The following BLTP3B variants were observed in gnomAD, a reference collection of about 807,000 sequenced individuals.
The protein encoded by BLTP3B is bridge-like lipid transfer protein family member 3B, also known as UHRF1 (ICBP90) binding protein 1-like.
At chr12:100,082,178 T>G in the BLTP3B span, among the ~76,000 whole-genome samples, 246 of 152,368 alleles carry the variant, frequency 1.6e-3, 1 homozygote, top group Non-Finnish European at 2.9e-3. Flanking sequence ...GAGCACTGTT[T>G]CATATGCTTG....
the BLTP3B span, among the ~76,000 whole-genome samples, chr12:100,118,687 T>C: frequency 6.6e-6 from 1 of 152,232 alleles, no homozygotes; most frequent in Non-Finnish European, 1.5e-5. Flanking sequence ...TGCATTATCT[T>C]CACAACCTTT....
the BLTP3B span, chr12:100,095,903 A>G: frequency 1.5e-6 from 2 of 1,351,116 alleles, no homozygotes; most frequent in Non-Finnish European, 2.0e-6. Context: ...CGCTTGTATT[A>G]AAAAATGTTT....
At chr12:100,113,648 T>A in the BLTP3B span, among the ~76,000 whole-genome samples, 1 of 151,816 alleles carries the variant, frequency 6.6e-6, no homozygotes, top group African/African-American at 2.4e-5. Flanking sequence ...ACTCAGTAAG[T>A]GTTCACTATT....
At chr12:100,103,822 T>A in the BLTP3B span, 1 of 1,152,852 alleles carries the variant, frequency 8.7e-7, no homozygotes, top group Non-Finnish European at 1.2e-6. Context: ...ATCCAGACTA[T>A]ATTTCCATGA....
At chr12:100,074,894 T>A in the BLTP3B span, among the ~76,000 whole-genome samples, 2 of 152,084 alleles carry the variant, frequency 1.3e-5, no homozygotes, top group East Asian at 3.8e-4. Flanking sequence ...CCTATAACTA[T>A]CTGATCTTTG....
the BLTP3B span, among the ~76,000 whole-genome samples, chr12:100,077,054 A>T: frequency 1.3e-5 from 2 of 152,176 alleles, no homozygotes; most frequent in South Asian, 4.1e-4. Context: ...TAAATCCTAA[A>T]ATTTAAAGTC....
the BLTP3B span, among the ~76,000 whole-genome samples, chr12:100,052,663 A>G: frequency 6.6e-6 from 1 of 152,130 alleles, no homozygotes; most frequent in African/African-American, 2.4e-5. Context: ...CTGGGGCCAC[A>G]TCACACAGAG....
the BLTP3B span, among the ~76,000 whole-genome samples, chr12:100,094,245 G>A: frequency 3.0e-4 from 46 of 152,252 alleles, no homozygotes; most frequent in African/African-American, 1.1e-3. Context: ...GCTAAGGACT[G>A]CAGGTATATG....
At chr12:100,100,915 G>A in the BLTP3B span, among the ~76,000 whole-genome samples, 5 of 151,964 alleles carry the variant, frequency 3.3e-5, no homozygotes, top group Admixed American at 3.3e-4. Context: ...TAACCATACT[G>A]CCATATGTCA....
At chr12:100,051,459 C>A in the BLTP3B span, 1 of 360,942 alleles carries the variant, frequency 2.8e-6, no homozygotes. Flanking sequence ...AATTCAGTAG[C>A]CATCACAGAT....
the BLTP3B span, chr12:100,070,290 AT>A: frequency 0.035 from 32,500 of 935,070 alleles, no homozygotes; most frequent in East Asian, 0.062. Context: ...TAATTAATTA[AT>A]TTTTTTTTTT....
At chr12:100,057,844 A>G in the BLTP3B span, 1 of 1,319,420 alleles carries the variant, frequency 7.6e-7, no homozygotes, top group Non-Finnish European at 1.0e-6. Flanking sequence ...TAGCATCCAT[A>G]GCTGAAATTA....
the BLTP3B span, chr12:100,058,495 T>C: frequency 1.2e-6 from 2 of 1,613,394 alleles, no homozygotes; most frequent in Admixed American, 1.7e-5. Flanking sequence ...TTGTCTGACA[T>C]ATGATTAACA....
chr12:100,048,211 C>T, the BLTP3B span: 5 of 1,563,570 alleles, frequency 3.2e-6, no homozygotes, highest in Middle Eastern at 3.4e-4. Context: ...GGAAAATGAA[C>T]ATACAAAAAT....
At chr12:100,045,152 A>G in the BLTP3B span, among the ~76,000 whole-genome samples, 2 of 152,222 alleles carry the variant, frequency 1.3e-5, no homozygotes, top group African/African-American at 2.4e-5. Flanking sequence ...AAGAATCAAT[A>G]TCGTGAAAAT....
At chr12:100,110,537 TACTG>T in the BLTP3B span, among the ~76,000 whole-genome samples, 1 of 152,100 alleles carries the variant, frequency 6.6e-6, no homozygotes, top group African/African-American at 2.4e-5. Flanking sequence ...CAGACACACA[TACTG>T]GGAAGCAGTA....
At chr12:100,116,448 C>CAAA in the BLTP3B span, among the ~76,000 whole-genome samples, 5 of 55,980 alleles carry the variant, frequency 8.9e-5, no homozygotes, top group South Asian at 1.9e-3. Context: ...GATCCTGTCT[C>CAAA]AAAAAAAAAA....
At chr12:100,113,007 C>T in the BLTP3B span, among the ~76,000 whole-genome samples, 11 of 151,846 alleles carry the variant, frequency 7.2e-5, no homozygotes, top group African/African-American at 2.7e-4. Flanking sequence ...CCCATCTCTA[C>T]AAAAAATACA....
At chr12:100,107,118 T>A in the BLTP3B span, among the ~76,000 whole-genome samples, 1 of 151,650 alleles carries the variant, frequency 6.6e-6, no homozygotes, top group Non-Finnish European at 1.5e-5. Flanking sequence ...TGAAACCCCA[T>A]CTCTACTAAA....
Sources: allele counts gnomAD v4.1 joint callset (sites outside exome capture counted in the v4.1 genomes callset), GRCh38; gene constraint gnomAD v4.1.1; transcripts MANE v1.5; gene names NCBI Gene and HGNC (gene_info 2026-07-23, HGNC 2026-07-21).